BPTF: variants seen among roughly 807,000 people sequenced by gnomAD.
The protein encoded by BPTF is nucleosome-remodeling factor subunit BPTF.
BPTF carries 18 observed loss-of-function variants against 292.5 expected under a neutral mutation model. That is an observed-to-expected ratio of 0.06 (90% CI 0.04 to 0.09). The LOEUF is 0.09. Ranked by LOEUF, BPTF falls within the 10% of genes least tolerant of loss-of-function variation. BPTF has a pLI of 1.00. For missense variants in BPTF, 2,726 were observed against 3,498.7 expected (o/e 0.78, Z 5.57); for synonymous variants, 1,225 against 1,251.9 (o/e 0.98, Z 0.45).
intron 13 of BPTF, among the ~76,000 whole-genome samples, chr17:67,920,462 C>T (rs9910600): frequency 0.12 from 17,937 of 152,110 alleles, 3,511 homozygotes; most frequent in African/African-American, 0.41. Context: ...ATTGAAGTCA[C>T]GGCAGCTAGT....
chr17:67,877,200 A>C (rs1362261699), intron 4 of BPTF, among the ~76,000 whole-genome samples: 1 of 152,236 alleles, frequency 6.6e-6, no homozygotes. Flanking sequence ...AAAATAGATA[A>C]GGTCTGGGCC....
chr17:67,974,266 C>T (rs1340447938), intron 26 of BPTF: 2 of 145,872 alleles, frequency 1.4e-5, no homozygotes, highest in Non-Finnish European at 1.5e-5. Context: ...CAGTACATTC[C>T]AAAGCAGTTG....
intron 25 of BPTF, 60 bp downstream of exon 25, chr17:67,964,464 A>G: frequency 4.0e-6 from 6 of 1,500,688 alleles, no homozygotes; most frequent in Non-Finnish European, 5.4e-6. Context: ...TTTTGGAAGC[A>G]TTTCTAGGAT....
intron 1 of BPTF, among the ~76,000 whole-genome samples, chr17:67,842,888 G>C (rs1037878845): frequency 6.9e-4 from 103 of 148,258 alleles, no homozygotes; most frequent in Non-Finnish European, 7.3e-4. Context: ...CAAAAGTTCT[G>C]CTGTAAAATA....
At chr17:67,885,137 G>A (rs2060666709) in intron 4 of BPTF, among the ~76,000 whole-genome samples, 1 of 152,148 alleles carries the variant, frequency 6.6e-6, no homozygotes, top group Admixed American at 6.5e-5. Flanking sequence ...GTGATTTGAA[G>A]AGTATCTTGT....
chr17:67,925,361 A>G (rs2063783230), intron 15 of BPTF, among the ~76,000 whole-genome samples: 1 of 152,126 alleles, frequency 6.6e-6, no homozygotes, highest in African/African-American at 2.4e-5. Context: ...TAGTGTTTTC[A>G]TACTATAAAT....
chr17:67,910,934 A>G lies in BPTF; in HGVS notation c.3050A>G (p.Glu1017Gly). Residue 1017 changes from glutamate to glycine, a missense_variant, in exon 11 of 28, where the codon GAA (glutamate) becomes GGA (glycine). Transcript: ENST00000306378. ...AAACCCTGCAAGGAAGAACCAATGGAAGTAGACGATGACATGAAAACAGAG... is the reference window on the plus strand; with the variant it reads ...AAACCCTGCAAGGAAGAACCAATGGGAGTAGACGATGACATGAAAACAGAG... ...SDKPCKEEPM[E>G]VDDDMKTESH... 6.2e-7 allele frequency: 1 copy of G among 1,613,944 alleles called. No homozygotes were observed. The highest frequency in any genetic ancestry group is 8.5e-7 in the Non-Finnish European group (1 of 1,179,896).
intron 18 of BPTF, among the ~76,000 whole-genome samples, chr17:67,933,743 A>C (rs2064640495): frequency 6.6e-6 from 1 of 152,164 alleles, no homozygotes; most frequent in Non-Finnish European, 1.5e-5. Flanking sequence ...GTGCCTTCTG[A>C]AATACACATT....
intron 4 of BPTF, among the ~76,000 whole-genome samples, chr17:67,884,252 T>G (rs900307805): frequency 6.6e-6 from 1 of 150,666 alleles, no homozygotes; most frequent in African/African-American, 2.4e-5. Flanking sequence ...ATTACAGGCA[T>G]GCACCACCAC....
rs374167713 is a variant in BPTF at position 67,946,237 on chromosome 17, A to C, written c.7529A>C (p.Gln2510Pro). 3 of 1,614,168 alleles carry C rather than the reference A, an allele frequency of 1.9e-6. No individual in the cohort carries two copies. In the African/African-American group the frequency reaches 4.0e-5, roughly 22 times the overall value. ...CAAAGGGTTCAGCAACTCAGGGATC[A>C]GCAGCAAAAGAAGAAACAGCAACAG... Reference protein sequence around the residue: ...QLQRVQQLRDQQQKKKQQQIE... With the variant: ...QLQRVQQLRDPQQKKKQQQIE... Residue 2510 changes from glutamine to proline, a missense_variant, in exon 21 of 28, where the codon CAG (glutamine) becomes CCG (proline). By Grantham distance (76) the Gln-to-Pro change is moderately conservative. Transcript: ENST00000306378.
At chr17:67,876,484 T>G (rs1243337659) in intron 4 of BPTF, among the ~76,000 whole-genome samples, 1 of 152,194 alleles carries the variant, frequency 6.6e-6, no homozygotes. Context: ...TCCACCTTAC[T>G]TTATACTGAT....
At chr17:67,937,877 G>T (rs2065049185) in intron 18 of BPTF, among the ~76,000 whole-genome samples, 1 of 152,230 alleles carries the variant, frequency 6.6e-6, no homozygotes, top group South Asian at 2.1e-4. Context: ...CCCTTAGGGA[G>T]GCCAAGGCGG....
At chr17:67,976,700 A>AT (rs2069492684) in intron 27 of BPTF, among the ~76,000 whole-genome samples, 2 of 46,998 alleles carry the variant, frequency 4.3e-5, no homozygotes, top group South Asian at 2.0e-3. Flanking sequence ...AAAAAAAAAA[A>AT]AAAAAAAAAA....
intron 8 of BPTF, 32 bp from the exon 9 acceptor site, chr17:67,904,670 T>G (rs781713591): frequency 2.1e-5 from 32 of 1,535,672 alleles, no homozygotes; most frequent in Non-Finnish European, 2.8e-5. Context: ...GTTATTCTTA[T>G]TGTTTAATCA....
At chr17:67,908,539 C>G (rs927152141) in intron 9 of BPTF, among the ~76,000 whole-genome samples, 6 of 138,536 alleles carry the variant, frequency 4.3e-5, no homozygotes, top group Non-Finnish European at 6.1e-5. Flanking sequence ...GTCACCCAGG[C>G]TGGAGTGCAG....
At chr17:67,915,262 T>C (rs1475190245) in intron 11 of BPTF, among the ~76,000 whole-genome samples, 1 of 152,172 alleles carries the variant, frequency 6.6e-6, no homozygotes, top group Non-Finnish European at 1.5e-5. Flanking sequence ...ATTTTCACAT[T>C]GAACTGATAG....
rs2058560418 is a variant in BPTF at position 67,853,930 on chromosome 17, TTATC to T, written c.614-7_614-4del. On this transcript the variant is annotated splice_region_variant and splice_polypyrimidine_tract_variant and intron_variant, in intron 1 of 27. Transcript: ENST00000306378. Reference sequence around the variant, plus strand: ...ATTGATTTGTAATGATGTCACGTCTTTATCTACAGGTAGGCGAAAACCAAGAGTA... The same window carrying T: ...ATTGATTTGTAATGATGTCACGTCTTTACAGGTAGGCGAAAACCAAGAGTA... 6.3e-7 allele frequency: 1 copy of T among 1,597,064 alleles called. No individual in the cohort carries two copies. The highest frequency in any genetic ancestry group is 8.6e-7 in the Non-Finnish European group (1 of 1,168,774).
intron 5 of BPTF, chr17:67,893,125 A>T: frequency 2.0e-6 from 1 of 489,820 alleles, no homozygotes; most frequent in Non-Finnish European, 3.7e-6. Context: ...AGTGAATAAT[A>T]GTATCTGACA....
intron 1 of BPTF, among the ~76,000 whole-genome samples, chr17:67,828,097 A>G (rs1157995544): frequency 1.3e-5 from 2 of 151,830 alleles, no homozygotes; most frequent in African/African-American, 4.8e-5. Context: ...ACACCCGGCT[A>G]ATTTTTGTAT....
Sources: allele counts gnomAD v4.1 joint callset (sites outside exome capture counted in the v4.1 genomes callset), GRCh38; gene constraint gnomAD v4.1.1; transcripts MANE v1.5; gene names NCBI Gene and HGNC (gene_info 2026-07-23, HGNC 2026-07-21).